Variants in GRM7 observed in about 807,000 individuals in gnomAD.
GRM7 encodes glutamate metabotropic receptor 7, also known as metabotropic glutamate receptor 7.
GRM7 carries 35 observed loss-of-function variants against 84.5 expected under a neutral mutation model. That is an observed-to-expected ratio of 0.41 (90% confidence interval 0.32 to 0.55). The LOEUF is 0.55. GRM7 is among the 20% of genes least tolerant of loss of function. The pLI, the probability that GRM7 is intolerant of heterozygous loss-of-function variation, is 0.19. For synonymous variants in GRM7, 487 were observed against 455.1 expected, an observed-to-expected ratio of 1.07 and a Z score of -0.89; for missense variants, 1,003 against 1,194.6, an observed-to-expected ratio of 0.84 and a Z score of 2.36.
At chr3:7,208,719 A>G (rs1419842425) in intron 2 of GRM7, among the ~76,000 whole-genome samples, 1 of 152,148 alleles carries the variant, frequency 6.6e-6, no homozygotes, top group Non-Finnish European at 1.5e-5. Context: ...CATAAAACAC[A>G]TTCTTTCATT....
chr3:7,167,279 C>G (rs1328641081), intron 2 of GRM7, among the ~76,000 whole-genome samples: 1 of 152,158 alleles, frequency 6.6e-6, no homozygotes, highest in Non-Finnish European at 1.5e-5. Flanking sequence ...TGGAAGCTTG[C>G]TAGTTTCTTA....
At chr3:7,655,450 C>T (rs1183464210) in intron 8 of GRM7, among the ~76,000 whole-genome samples, 1 of 152,144 alleles carries the variant, frequency 6.6e-6, no homozygotes, top group Non-Finnish European at 1.5e-5. Flanking sequence ...AAATTAAAAC[C>T]ATGAATCCAA....
intron 1 of GRM7, among the ~76,000 whole-genome samples, chr3:7,046,535 G>T (rs1187758571): frequency 1.3e-5 from 2 of 152,008 alleles, no homozygotes; most frequent in Non-Finnish European, 2.9e-5. Flanking sequence ...TGAGAATTTG[G>T]CAACAGCCAG....
intron 6 of GRM7, among the ~76,000 whole-genome samples, chr3:7,458,301 T>C (rs1344370064): frequency 6.6e-6 from 1 of 152,232 alleles, no homozygotes; most frequent in Non-Finnish European, 1.5e-5. Context: ...TTGGCTCTAA[T>C]GCCTTGTGGG....
At chr3:7,603,378 G>A (rs1696412501) in intron 8 of GRM7, among the ~76,000 whole-genome samples, 1 of 152,104 alleles carries the variant, frequency 6.6e-6, no homozygotes, top group Non-Finnish European at 1.5e-5. Context: ...AGAAGTTGTT[G>A]CTGTTGTCTT....
intron 1 of GRM7, among the ~76,000 whole-genome samples, chr3:6,999,803 C>G (rs760612673): frequency 5.3e-4 from 81 of 152,150 alleles, no homozygotes; most frequent in Non-Finnish European, 7.9e-4. Flanking sequence ...ATGGAGGTAA[C>G]TGACCCCATG....
intron 8 of GRM7, among the ~76,000 whole-genome samples, chr3:7,589,986 C>T (rs923647304): frequency 1.3e-5 from 2 of 152,148 alleles, no homozygotes; most frequent in African/African-American, 4.8e-5. Context: ...AGTAGATGTA[C>T]TGAAACAGCA....
chr3:7,473,078 G>C (rs1698767469), intron 7 of GRM7, among the ~76,000 whole-genome samples: 1 of 152,174 alleles, frequency 6.6e-6, no homozygotes, highest in South Asian at 2.1e-4. Flanking sequence ...GTAGCTAATA[G>C]CTTGGGATTT....
chr3:7,081,233 G>A (rs577432680), intron 1 of GRM7, among the ~76,000 whole-genome samples: 16 of 152,126 alleles, frequency 1.1e-4, no homozygotes, highest in Admixed American at 3.3e-4. Flanking sequence ...TGTCAAGCAA[G>A]TCCATTTCCT....
At chr3:7,374,315 G>T (rs1694256128) in intron 4 of GRM7, among the ~76,000 whole-genome samples, 1 of 151,824 alleles carries the variant, frequency 6.6e-6, no homozygotes, top group African/African-American at 2.4e-5. Flanking sequence ...ACTCTAGCTA[G>T]ATCTACAGGC....
chr3:7,307,293 G>T (rs967488781), intron 4 of GRM7, among the ~76,000 whole-genome samples: 13 of 152,068 alleles, frequency 8.5e-5, no homozygotes, highest in African/African-American at 2.7e-4. Flanking sequence ...AAAATTTGCC[G>T]ATTATAAGTT....
intron 4 of GRM7, among the ~76,000 whole-genome samples, chr3:7,375,260 C>T (rs982863658): frequency 1.3e-5 from 2 of 149,402 alleles, no homozygotes; most frequent in Non-Finnish European, 3.0e-5. Context: ...CTCTGGTCAC[C>T]CAGGCCAAAG....
intron 1 of GRM7, among the ~76,000 whole-genome samples, chr3:6,960,843 C>G (rs1020100595): frequency 7.9e-5 from 12 of 152,120 alleles, no homozygotes; most frequent in African/African-American, 2.7e-4. Flanking sequence ...CATTCTCTTT[C>G]TCTCTTATTG....
intron 2 of GRM7, among the ~76,000 whole-genome samples, chr3:7,159,601 C>G (rs552288218): frequency 6.6e-6 from 1 of 152,144 alleles, no homozygotes; most frequent in Non-Finnish European, 1.5e-5. Flanking sequence ...AAACATCAAT[C>G]GAACACCTGA....
intron 1 of GRM7, among the ~76,000 whole-genome samples, chr3:7,030,606 A>G (rs957149435): frequency 6.6e-6 from 1 of 152,184 alleles, no homozygotes; most frequent in Non-Finnish European, 1.5e-5. Context: ...GAAGGGCACA[A>G]TCTGAGACCT....
chr3:7,459,763 G>A (rs1010498904), intron 6 of GRM7, among the ~76,000 whole-genome samples: 66 of 152,100 alleles, frequency 4.3e-4, no homozygotes, highest in African/African-American at 1.5e-3. Flanking sequence ...TGGGGAAACA[G>A]CCAAACCGTA....
chr3:7,674,305 C>A (rs1700045173), intron 8 of GRM7, among the ~76,000 whole-genome samples: 1 of 151,892 alleles, frequency 6.6e-6, no homozygotes, highest in Non-Finnish European at 1.5e-5. Context: ...AATTCTCCTG[C>A]CTCAGCCTCC....
chr3:7,630,427 T>C (rs551018116), intron 8 of GRM7, among the ~76,000 whole-genome samples: 1 of 152,330 alleles, frequency 6.6e-6, no homozygotes, highest in African/African-American at 2.4e-5. Flanking sequence ...CAGGTGTCAG[T>C]GGTGACCTGT....
chr3:7,093,352 G>T (rs1477056040), intron 1 of GRM7, among the ~76,000 whole-genome samples: 8 of 151,888 alleles, frequency 5.3e-5, no homozygotes, highest in African/African-American at 1.9e-4. Flanking sequence ...TGTGCTGGAG[G>T]AAAAGAGGAA....
Sources: allele counts gnomAD v4.1 joint callset (sites outside exome capture counted in the v4.1 genomes callset), GRCh38; gene constraint gnomAD v4.1.1; transcripts MANE v1.5; gene names NCBI Gene and HGNC (gene_info 2026-07-23, HGNC 2026-07-21).